AIF1L: variants seen among roughly 807,000 people sequenced by gnomAD.
AIF1L encodes the protein allograft inflammatory factor 1 like, also known as allograft inflammatory factor 1-like.
A neutral mutation model predicts 20.7 loss-of-function variants in AIF1L; 12 were observed. The observed-to-expected ratio is 0.58, with a 90% CI of 0.37 to 0.94. AIF1L has a LOEUF of 0.94. Among genes scored for constraint, AIF1L ranks in the 40% least tolerant of loss-of-function variants. The pLI, the probability that AIF1L is intolerant of heterozygous loss-of-function variation, is 0.01. For synonymous variants in AIF1L, 76 were observed against 65.1 expected (o/e 1.17, Z -0.81); for missense variants, 173 against 185.3 (o/e 0.93, Z 0.39).
intron 2 of AIF1L, chr9:131,102,793 T>C: frequency 4.7e-6 from 2 of 428,060 alleles, no homozygotes; most frequent in Non-Finnish European, 9.4e-6. Context: ...TTTAAGAGCC[T>C]GTGGGCTGCG....
At chr9:131,096,709 G>GCGGGGTCCA in intron 1 of AIF1L, 49 bp downstream of exon 1, 1 of 1,448,626 alleles carries the variant, frequency 6.9e-7, no homozygotes. Context: ...CGGGCGGACC[G>GCGGGGTCCA]CGGGGTCCAC....
At position 131,121,375 on chromosome 9, in the gene AIF1L, G is replaced by A. The variant is rs1007955399; in HGVS notation, c.*1053G>A. 4 of 418,638 alleles carry A rather than the reference G, an allele frequency of 9.6e-6. No individual in the cohort carries two copies. Among genetic ancestry groups the A allele is most frequent in the Middle Eastern group, 4.6e-4 (1 of 2,186 alleles). The allele number at this position is 418,638 out of a possible 1,614,324, so 25.9% of individuals were successfully genotyped here. A position where few individuals can be genotyped will look rare whatever the true frequency, so the allele number is the denominator to read the frequency against. On this transcript the variant is annotated 3_prime_UTR_variant, in exon 6 of 6. Coordinates refer to ENST00000247291, the MANE Select transcript of AIF1L (RefSeq NM_031426.4). ...TTGTCCTGGCATGTGCAGTATACAC[G>A]GTCTAACTCATCTCTCCCCAGATCT...
intron 3 of AIF1L, among the ~76,000 whole-genome samples, chr9:131,112,669 C>T (rs762991704): frequency 6.6e-6 from 1 of 152,136 alleles, no homozygotes; most frequent in Non-Finnish European, 1.5e-5. Flanking sequence ...GACTTGAACT[C>T]ATGTCGGTCT....
chr9:131,107,667 T>C (rs1473180348), intron 2 of AIF1L, among the ~76,000 whole-genome samples: 1 of 152,232 alleles, frequency 6.6e-6, no homozygotes, highest in Non-Finnish European at 1.5e-5. Flanking sequence ...CAACAGTCAA[T>C]GGCCATTGTT....
intron 2 of AIF1L, among the ~76,000 whole-genome samples, chr9:131,110,532 C>T (rs1376124278): frequency 6.9e-6 from 1 of 144,290 alleles, no homozygotes; most frequent in African/African-American, 2.6e-5. Flanking sequence ...AAGATGGAGT[C>T]TCTCTCTGTC....
intron 4 of AIF1L, 92 bp downstream of exon 4, chr9:131,114,710 G>A (rs1830970312): frequency 4.0e-6 from 6 of 1,508,760 alleles, no homozygotes; most frequent in Non-Finnish European, 5.5e-6. Flanking sequence ...GCATGGGGCA[G>A]TCCGGAAGGC....
Position 131,117,810 on chromosome 9 carries a change from T to C in AIF1L, c.257T>C (p.Leu86Pro). ...MEKLGVPKTHLEMKKMISEVT... is the reference protein window; with the variant it reads ...MEKLGVPKTHPEMKKMISEVT... ...AAGCTTGGTGTCCCCAAGACCCACC[T>C]GGAGATGAAGAAGATGATCTCAGAG... is the stretch of plus-strand genomic sequence containing the variant. The change falls in exon 5 of 6, where the codon CTG becomes CCG. Residue 86 changes from leucine to proline, a missense_variant. Coordinates refer to ENST00000247291, the MANE Select transcript of AIF1L (RefSeq NM_031426.4). 3.1e-6 allele frequency: 5 copies of C among 1,614,116 alleles called. No individual in the cohort carries two copies. Among genetic ancestry groups the C allele is most frequent in the Non-Finnish European group, 4.2e-6 (5 of 1,180,010 alleles).
intron 2 of AIF1L, among the ~76,000 whole-genome samples, chr9:131,101,472 G>A (rs1489110146): frequency 6.6e-6 from 1 of 150,982 alleles, no homozygotes; most frequent in Non-Finnish European, 1.5e-5. Context: ...TCAGCCTCCT[G>A]AGTAGCTGGG....
At chr9:131,106,289 A>G in intron 2 of AIF1L, 1 of 1,429,194 alleles carries the variant, frequency 7.0e-7, no homozygotes, top group Non-Finnish European at 9.5e-7. Context: ...CCTGAGTCTC[A>G]ACTCCTCCAC....
chr9:131,112,642 G>A (rs775096276), intron 3 of AIF1L, among the ~76,000 whole-genome samples: 3 of 152,130 alleles, frequency 2.0e-5, no homozygotes, highest in South Asian at 2.1e-4. Flanking sequence ...CACATAGCTC[G>A]CCTAGGGCAG....
At chr9:131,111,520 C>T (rs1830883432) in intron 2 of AIF1L, 77 bp from the exon 3 acceptor site, 3 of 1,358,122 alleles carry the variant, frequency 2.2e-6, no homozygotes, top group Non-Finnish European at 3.1e-6. Flanking sequence ...GGAGGGAAGG[C>T]CCCCGGACAG....
intron 2 of AIF1L, among the ~76,000 whole-genome samples, 183 bp downstream of exon 2, chr9:131,097,046 T>TCCGCCTC (rs1830546317): frequency 6.6e-6 from 1 of 152,122 alleles, no homozygotes; most frequent in African/African-American, 2.4e-5. Flanking sequence ...TAGGTCCGCC[T>TCCGCCTC]CCGCCTCCCG....
At chr9:131,117,299 T>G (rs1831037709) in intron 4 of AIF1L, among the ~76,000 whole-genome samples, 1 of 152,156 alleles carries the variant, frequency 6.6e-6, no homozygotes, top group African/African-American at 2.4e-5. Context: ...TTCCTGACCC[T>G]GCCACACTGG....
intron 2 of AIF1L, chr9:131,102,832 T>C: frequency 2.2e-6 from 1 of 455,306 alleles, no homozygotes; most frequent in Non-Finnish European, 4.4e-6. Context: ...GGCATGGTGC[T>C]TCCTGTCCTT....
chr9:131,100,629 G>A (rs537999344), intron 2 of AIF1L, among the ~76,000 whole-genome samples: 2 of 152,358 alleles, frequency 1.3e-5, no homozygotes, highest in South Asian at 2.1e-4. Flanking sequence ...CACTACTGGA[G>A]TGGGCAGAAC....
At chr9:131,099,262 G>A (rs1016443941) in intron 2 of AIF1L, among the ~76,000 whole-genome samples, 6 of 152,096 alleles carry the variant, frequency 3.9e-5, no homozygotes, top group East Asian at 3.9e-4. Context: ...GCAGAACCTC[G>A]TCTTCCCCAG....
chr9:131,108,148 G>A (rs1830791954), intron 2 of AIF1L: 1 of 152,002 alleles, frequency 6.6e-6, no homozygotes, highest in Non-Finnish European at 1.5e-5. Flanking sequence ...CACAGGTCCT[G>A]GAGTCAGATA....
At position 131,121,184 on chromosome 9, in the gene AIF1L, G is replaced by A. The variant is rs1401280070; in HGVS notation, c.*862G>A. On this transcript the variant is annotated 3_prime_UTR_variant, in exon 6 of 6. Coordinates refer to ENST00000247291, the MANE Select transcript of AIF1L (RefSeq NM_031426.4). ...ACGGCAAAGTCAGCAGCACTGGTAA[G>A]CCAAGACTGAGAAATACAAGGTTGC... 2.9e-6 allele frequency: 2 copies of A among 700,446 alleles called. No homozygotes were observed. Among genetic ancestry groups the A allele is most frequent in the Non-Finnish European group, 5.3e-6 (2 of 376,688 alleles). 43.4% of individuals were successfully genotyped at this position (700,446 alleles called of 1,614,324 possible).
At chr9:131,111,994 C>T (rs1830901734) in intron 3 of AIF1L, 1 of 331,300 alleles carries the variant, frequency 3.0e-6, no homozygotes, top group African/African-American at 2.1e-5. Flanking sequence ...GCCCCGCACA[C>T]AATCAGCTCT....
Sources: gnomAD v4.1 joint callset for allele counts (sites outside exome capture counted in the v4.1 genomes callset) on GRCh38, gnomAD v4.1.1 for gene constraint, MANE v1.5 for transcripts, NCBI Gene and HGNC (gene_info 2026-07-23, HGNC 2026-07-21) for gene names.